Variants in NDRG4 observed in about 807,000 individuals in gnomAD.
The protein encoded by NDRG4 is protein NDRG4.
Under a neutral mutation model 55.8 loss-of-function variants are expected in NDRG4, and 38 were observed. The ratio of observed to expected loss-of-function variants is 0.68; its 90% CI spans 0.53 to 0.89. NDRG4 has a LOEUF of 0.89. Ranked by LOEUF, NDRG4 falls within the 40% of genes least tolerant of loss-of-function variation. The pLI is 0.00. For synonymous variants in NDRG4, 190 were observed against 182.7 expected (o/e 1.04, Z -0.32); for missense variants, 455 against 468.6 (o/e 0.97, Z 0.27).
intron 1 of NDRG4, among the ~76,000 whole-genome samples, chr16:58,477,116 A>G (rs1451624141): frequency 6.6e-6 from 1 of 151,096 alleles, no homozygotes; most frequent in Non-Finnish European, 1.5e-5. Flanking sequence ...GATTCCATAT[A>G]TATGATATAT....
At chr16:58,494,832 T>TGAA in intron 2 of NDRG4, 1 of 543,818 alleles carries the variant, frequency 1.8e-6, no homozygotes. Context: ...ACCCTGTCTC[T>TGAA]AAAAAAAAAA....
At chr16:58,495,346 G>A (rs1597227401), upstream of NDRG4, 4 of 259,644 alleles carry the variant, frequency 1.5e-5, no homozygotes, top group East Asian at 7.1e-5. Context: ...CAGGTTCTCC[G>A]TGGAAACTGA....
rs2038108485 is a variant in NDRG4, at chr16:58,506,898, C to T, written c.517-14C>T. 1.2e-6 allele frequency: 2 copies of T among 1,611,554 alleles called. No individual in the cohort carries two copies. The highest frequency in any genetic ancestry group is 1.7e-6 in the Non-Finnish European group (2 of 1,178,014). On this transcript the variant is annotated splice_polypyrimidine_tract_variant and intron_variant, in intron 7 of 14. Coordinates refer to ENST00000570248, the MANE Select transcript of NDRG4 (RefSeq NM_001242835.2). ...TGCCCCTCTGCATGCCTCCATCCATCTCCCTGGGCCTAGGAGGAGCTGGTG... is the reference window on the plus strand; with the variant it reads ...TGCCCCTCTGCATGCCTCCATCCATTTCCCTGGGCCTAGGAGGAGCTGGTG...
At chr16:58,491,512 A>G (rs2035786912) in intron 2 of NDRG4, among the ~76,000 whole-genome samples, 1 of 151,046 alleles carries the variant, frequency 6.6e-6, no homozygotes, top group African/African-American at 2.4e-5. Context: ...CCAGGCTGGA[A>G]TGCAATGGCG....
At chr16:58,506,826 C>A (rs1433503407) in intron 7 of NDRG4, 86 bp from the exon 8 acceptor site, 2 of 1,357,388 alleles carry the variant, frequency 1.5e-6, no homozygotes, top group East Asian at 2.4e-5. Context: ...AAGGGCCACT[C>A]TGGCAGTGAC....
rs570612983 is a variant in NDRG4, at chr16:58,511,984, G to C, written c.*408G>C. 4.3e-6 allele frequency: 2 copies of C among 461,638 alleles called. No individual in the cohort carries two copies. Among genetic ancestry groups the C allele is most frequent in the African/African-American group, 2.0e-5 (1 of 50,454 alleles). The allele number at this position is 461,638 out of a possible 1,614,324, so 28.6% of individuals were successfully genotyped here. A position where few individuals can be genotyped will look rare whatever the true frequency, so the allele number is the denominator to read the frequency against. The stretch of plus-strand genomic sequence containing the variant: ...GTGCGGGGCCAGCTCAGGCACTGGC[G>C]TGGGAGCCCTGGGAGACCCCTTCCC... On this transcript the variant is annotated 3_prime_UTR_variant, in exon 15 of 15. Coordinates refer to ENST00000570248, the MANE Select transcript of NDRG4 (RefSeq NM_001242835.2).
At chr16:58,480,295 AT>A (rs2034237752) in intron 1 of NDRG4, among the ~76,000 whole-genome samples, 3 of 152,112 alleles carry the variant, frequency 2.0e-5, no homozygotes, top group African/African-American at 7.2e-5. Flanking sequence ...TAATTTTTGA[AT>A]TTTTAGTAGA....
At position 58,504,241 on chromosome 16, in the gene NDRG4, G is replaced by C. The variant is rs2037544107; in HGVS notation, c.215G>C (p.Gly72Ala). The change falls in exon 3 of 15, where the codon GGA (glycine) becomes GCA (alanine). Residue 72 changes from glycine to alanine, a missense_variant. Physicochemically the swap from Gly to Ala is moderately conservative, Grantham distance 60. Coordinates refer to ENST00000570248, the MANE Select transcript of NDRG4 (RefSeq NM_001242835.2). The part of the protein sequence containing the change: ...HFVVCHVDAP[G>A]QQVGASQFPQ... The stretch of plus-strand genomic sequence containing the variant: ...GTGGTGTGTCACGTGGATGCCCCTG[G>C]ACAACAGGTGGGGGCGTCGCAGTTT... 6.2e-7 allele frequency: 1 copy of C among 1,614,046 alleles called. No individual in the cohort carries two copies. Among genetic ancestry groups the C allele is most frequent in the Admixed American group, 1.7e-5 (1 of 60,010 alleles).
At chr16:58,468,884 TC>T (rs2032254392) in intron 1 of NDRG4, among the ~76,000 whole-genome samples, 2 of 152,184 alleles carry the variant, frequency 1.3e-5, no homozygotes, top group Admixed American at 1.3e-4. Context: ...GGGACACTGG[TC>T]TTTTTGCAAG....
intron 14 of NDRG4, 30 bp downstream of exon 14, chr16:58,510,713 G>C: frequency 6.5e-7 from 1 of 1,533,744 alleles, no homozygotes. Context: ...CCTGATGCAT[G>C]GACGCCCAGC....
chr16:58,500,892 AAGG>A (rs1342481362), intron 1 of NDRG4: 2 of 803,562 alleles, frequency 2.5e-6, no homozygotes, highest in African/African-American at 1.8e-5. Context: ...GGGCAGAGGC[AAGG>A]AGGTCTGGGC....
intron 3 of NDRG4, 33 bp downstream of exon 3, chr16:58,504,307 A>G: frequency 6.2e-7 from 1 of 1,613,980 alleles, no homozygotes; most frequent in Non-Finnish European, 8.5e-7. Context: ...GCCTGTCTCC[A>G]GCTCTGCACC....
chr16:58,473,413 C>T (rs1027068563), intron 1 of NDRG4, among the ~76,000 whole-genome samples: 5 of 152,194 alleles, frequency 3.3e-5, no homozygotes, highest in African/African-American at 1.2e-4. Flanking sequence ...ATCCTCCCAC[C>T]TTGGCCTCCC....
rs3743566 is a variant in NDRG4, at chr16:58,511,881, C to G, written c.*305C>G. 6.5e-6 allele frequency: 3 copies of G among 459,580 alleles called. No individual in the cohort carries two copies. Among genetic ancestry groups the G allele is most frequent in the African/African-American group, 3.9e-5 (2 of 50,680 alleles). 28.5% of individuals were successfully genotyped at this position (459,580 alleles called of 1,614,324 possible). ...GAGGGAGATTCGCTACGGATCCAGGCCATTCCTGGGTGAGCCCTTGGGCAG... is the reference window on the plus strand; with the variant it reads ...GAGGGAGATTCGCTACGGATCCAGGGCATTCCTGGGTGAGCCCTTGGGCAG... On this transcript the variant is annotated 3_prime_UTR_variant, in exon 15 of 15. Transcript: ENST00000570248.
intron 5 of NDRG4, among the ~76,000 whole-genome samples, chr16:58,505,820 C>A (rs1049363421): frequency 2.2e-5 from 3 of 136,906 alleles, no homozygotes; most frequent in African/African-American, 8.1e-5. Context: ...CTCCCTGGTT[C>A]AAGCAATTCT....
At chr16:58,506,522 G>C in intron 6 of NDRG4, 36 bp from the exon 7 acceptor site, 2 of 1,599,690 alleles carry the variant, frequency 1.3e-6, no homozygotes, top group Non-Finnish European at 1.7e-6. Context: ...GGTGGGGTGA[G>C]GGGCGGCACT....
chr16:58,474,603 T>G (rs2151591369), intron 1 of NDRG4, among the ~76,000 whole-genome samples: 1 of 152,290 alleles, frequency 6.6e-6, no homozygotes, highest in Non-Finnish European at 1.5e-5. Context: ...TCTGTGAATT[T>G]ACTTAGGTTT....
chr16:58,503,820 A>T lies in NDRG4; in HGVS notation c.44A>T (p.Tyr15Phe), dbSNP rs756623435. The T allele has an allele frequency of 6.2e-7, 1 of 1,613,908 alleles. No individual in the cohort carries two copies. Among genetic ancestry groups the T allele is most frequent in the South Asian group, 1.1e-5 (1 of 91,084 alleles). ...WDGEHDIETP[Y>F]GLLHVVIRGS... ...CAGGAACATGACATCGAGACACCCTACGGCCTTCTGCATGTAGTGATCCGG... is the reference window on the plus strand; with the variant it reads ...CAGGAACATGACATCGAGACACCCTTCGGCCTTCTGCATGTAGTGATCCGG... Residue 15 changes from tyrosine to phenylalanine, a missense_variant, in exon 2 of 15, where the codon TAC becomes TTC. Coordinates refer to ENST00000570248, the MANE Select transcript of NDRG4 (RefSeq NM_001242835.2).
chr16:58,511,694 G>GA lies in NDRG4; in HGVS notation c.*125dup, dbSNP rs552415978. On this transcript the variant is annotated 3_prime_UTR_variant, in exon 15 of 15. Transcript: ENST00000570248. ...AAGGGGAGGAAATGGGGTTCTGTTT[G>GA]AAAAAAATGAGGGGATCTTAGATGC... 180 of 1,274,716 alleles carry GA rather than the reference G, an allele frequency of 1.4e-4. 1 individual carries two copies. The highest frequency in any genetic ancestry group is 7.4e-4 in the Middle Eastern group (4 of 5,400). The allele number at this position is 1,274,716 out of a possible 1,614,324, so 79.0% of individuals were successfully genotyped here.
Sources: allele counts gnomAD v4.1 joint callset (sites outside exome capture counted in the v4.1 genomes callset), GRCh38; gene constraint gnomAD v4.1.1; transcripts MANE v1.5; gene names NCBI Gene and HGNC (gene_info 2026-07-23, HGNC 2026-07-21).